PDE2A: variants seen among roughly 807,000 people sequenced by gnomAD.
PDE2A encodes cGMP-dependent 3',5'-cyclic phosphodiesterase.
Under a neutral mutation model 133.6 loss-of-function variants are expected in PDE2A, and 53 were observed. That is an observed-to-expected ratio of 0.40 (90% confidence interval 0.32 to 0.50). PDE2A has a LOEUF of 0.50. Among genes scored for constraint, PDE2A ranks in the 20% least tolerant of loss-of-function variants. The pLI, the probability that PDE2A is intolerant of heterozygous loss-of-function variation, is 0.73. For missense variants in PDE2A, 796 were observed against 1,232.4 expected, an observed-to-expected ratio of 0.65 and a Z score of 5.30; for synonymous variants, 491 against 490.2, an observed-to-expected ratio of 1.00 and a Z score of -0.02.
intron 2 of PDE2A, among the ~76,000 whole-genome samples, chr11:72,626,092 C>A (rs1858049456): frequency 6.6e-6 from 1 of 152,270 alleles, no homozygotes; most frequent in Admixed American, 6.5e-5. Flanking sequence ...GGCTGGCCCT[C>A]CCTGGGCCTA....
At chr11:72,671,489 C>G (rs557027228) in intron 1 of PDE2A, among the ~76,000 whole-genome samples, 149 of 152,156 alleles carry the variant, frequency 9.8e-4, no homozygotes, top group East Asian at 2.5e-3. Flanking sequence ...CTCTTCCCCC[C>G]ACCCCCGCCC....
intron 15 of PDE2A, 29 bp from the exon 16 acceptor site, chr11:72,585,463 G>C: frequency 6.2e-7 from 1 of 1,612,808 alleles, no homozygotes; most frequent in Non-Finnish European, 8.5e-7. Context: ...CAGGCAGGGT[G>C]AGACCAGGCT....
chr11:72,626,558 C>T (rs1228085519), intron 2 of PDE2A, among the ~76,000 whole-genome samples: 3 of 152,226 alleles, frequency 2.0e-5, no homozygotes, highest in Non-Finnish European at 4.4e-5. Flanking sequence ...GTGCTGCCTA[C>T]AGCGCGGCCC....
At chr11:72,581,287 G>C (rs1855713414) in intron 23 of PDE2A, 70 bp downstream of exon 23, 6 of 1,470,000 alleles carry the variant, frequency 4.1e-6, no homozygotes, top group South Asian at 1.2e-5. Context: ...CTGACACACA[G>C]GGGGTGCTTC....
Position 72,581,859 on chromosome 11 carries a change from G to C in PDE2A, c.1922+18C>G, listed in dbSNP as rs199586868. ...AAAGAGGGAGGCGAAGACTGGGGCT[G>C]TCTGTGGGCGCACGAACCGGGCCAG... On this transcript the variant is annotated intron_variant, in intron 22 of 30. Coordinates refer to ENST00000334456, the MANE Select transcript of PDE2A (RefSeq NM_002599.5). The C allele has an allele frequency of 6.8e-6, 11 of 1,612,110 alleles. No homozygotes were observed. The East Asian group carries it at 8.9e-5, about 13-fold the overall frequency.
At chr11:72,591,064 GACCAGTTTTGTTTC>G in intron 7 of PDE2A, 1 of 521,502 alleles carries the variant, frequency 1.9e-6, no homozygotes, top group South Asian at 2.7e-5. Flanking sequence ...CAAGATATTT[GACCAGTTTTGTTTC>G]ACCACTGCCC....
At chr11:72,648,134 C>A (rs1330943621) in intron 1 of PDE2A, among the ~76,000 whole-genome samples, 1 of 152,180 alleles carries the variant, frequency 6.6e-6, no homozygotes, top group Non-Finnish European at 1.5e-5. Flanking sequence ...AGAGAGAGAG[C>A]AAGTCACACA....
intron 2 of PDE2A, among the ~76,000 whole-genome samples, chr11:72,641,622 C>A (rs1858955895): frequency 6.6e-6 from 1 of 152,116 alleles, no homozygotes; most frequent in Admixed American, 6.5e-5. Context: ...AGGGGCCCCC[C>A]ACGAGGAAAG....
At position 72,639,588 on chromosome 11, in the gene PDE2A, C is replaced by T. The variant is rs1015929960; in HGVS notation, c.144+2666G>A. ...GCGGAGCACGAAGTGGTGTAGTAAACACAGTGACCTTGCTGCCACGTGCAT... is the reference window on the plus strand; with the variant it reads ...GCGGAGCACGAAGTGGTGTAGTAAATACAGTGACCTTGCTGCCACGTGCAT... On this transcript the variant is annotated intron_variant, in intron 2 of 30. Coordinates refer to ENST00000334456, the MANE Select transcript of PDE2A (RefSeq NM_002599.5). Among the ~76,000 whole-genome samples, 3 of 152,190 alleles carry T rather than the reference C, an allele frequency of 2.0e-5. No individual in the cohort carries two copies. In the South Asian group the frequency reaches 6.2e-4, roughly 32 times the overall value.
chr11:72,599,285 C>T (rs985098020), intron 4 of PDE2A, among the ~76,000 whole-genome samples: 1 of 152,072 alleles, frequency 6.6e-6, no homozygotes, highest in Non-Finnish European at 1.5e-5. Flanking sequence ...TCTGTGCTCA[C>T]GGCCTCATGA....
Position 72,584,948 on chromosome 11 carries a change from T to C in PDE2A, c.1287-4A>G. On this transcript the variant is annotated splice_polypyrimidine_tract_variant and splice_region_variant and intron_variant, in intron 16 of 30. Transcript: ENST00000334456. ...ATCCAGCAGGAACACAGAGCAGCTGTGGAGGGAGGGGTTTGGTCCTCTGGG... is the reference window on the plus strand; with the variant it reads ...ATCCAGCAGGAACACAGAGCAGCTGCGGAGGGAGGGGTTTGGTCCTCTGGG... The C allele has an allele frequency of 6.2e-7, 1 of 1,614,068 alleles. No individual in the cohort carries two copies. Among genetic ancestry groups the C allele is most frequent in the Non-Finnish European group, 8.5e-7 (1 of 1,179,980 alleles).
intron 1 of PDE2A, among the ~76,000 whole-genome samples, chr11:72,651,448 G>T (rs138960716): frequency 4.6e-5 from 7 of 152,278 alleles, no homozygotes; most frequent in African/African-American, 1.7e-4. Flanking sequence ...TGTCAAGGGA[G>T]TGATGGGTGT....
chr11:72,608,917 C>T (rs1210326266), intron 2 of PDE2A, among the ~76,000 whole-genome samples, 166 bp from the exon 3 acceptor site: 1 of 152,166 alleles, frequency 6.6e-6, no homozygotes, highest in Non-Finnish European at 1.5e-5. Flanking sequence ...GTCTTAAGGC[C>T]ACAGAATGTC....
chr11:72,606,963 C>A (rs942024264), intron 3 of PDE2A, among the ~76,000 whole-genome samples: 2 of 152,168 alleles, frequency 1.3e-5, no homozygotes, highest in Non-Finnish European at 2.9e-5. Flanking sequence ...GGCTGCCTGC[C>A]ACAATGGGTG....
chr11:72,580,195 C>T (rs1408060423), intron 25 of PDE2A, among the ~76,000 whole-genome samples: 1 of 152,134 alleles, frequency 6.6e-6, no homozygotes, highest in Non-Finnish European at 1.5e-5. Flanking sequence ...CTACTCTGTG[C>T]CAAGCCCTGT....
At chr11:72,610,248 G>A (rs1009494632) in intron 2 of PDE2A, among the ~76,000 whole-genome samples, 1 of 152,158 alleles carries the variant, frequency 6.6e-6, no homozygotes, top group South Asian at 2.1e-4. Flanking sequence ...GGACCCATAG[G>A]ATTTCACAGG....
intron 16 of PDE2A, chr11:72,585,167 C>T: frequency 1.6e-6 from 1 of 640,656 alleles, no homozygotes. Flanking sequence ...GTGATAGGAG[C>T]TGAGGATCCA....
intron 2 of PDE2A, among the ~76,000 whole-genome samples, chr11:72,617,852 C>A (rs117872855): frequency 0.021 from 3,139 of 152,308 alleles, 53 homozygotes; most frequent in Middle Eastern, 0.041. Context: ...CCTCTCTCTG[C>A]CCCTGCAGGA....
In PDE2A at chr11:72,585,373, C is replaced by T; in HGVS notation, c.1284G>A (p.Glu428=). Residue 428 remains glutamate, a splice_region_variant and synonymous_variant, in exon 16 of 31, where the codon GAG becomes GAA. Coordinates refer to ENST00000334456, the MANE Select transcript of PDE2A (RefSeq NM_002599.5). ...GTCCCCTGGGTAGAGTCACTCACATCTCTGCGTTGCTGAGGTTTCTGGCCT... is the reference window on the plus strand; with the variant it reads ...GTCCCCTGGGTAGAGTCACTCACATTTCTGCGTTGCTGAGGTTTCTGGCCT... ...ITEARNLSNA[E]ICSVFLLDQN... 2 of 1,613,756 alleles carry T rather than the reference C, an allele frequency of 1.2e-6. No individual in the cohort carries two copies. Among genetic ancestry groups the T allele is most frequent in the Non-Finnish European group, 1.7e-6 (2 of 1,179,730 alleles).
Sources: allele counts gnomAD v4.1 joint callset (sites outside exome capture counted in the v4.1 genomes callset), GRCh38; gene constraint gnomAD v4.1.1; transcripts MANE v1.5; gene names NCBI Gene and HGNC (gene_info 2026-07-23, HGNC 2026-07-21).